The following TMEM132C variants were observed in gnomAD, a reference collection of about 807,000 sequenced individuals.
The protein encoded by TMEM132C is protein phosphatase 1, regulatory subunit 152.
In TMEM132C, 29 loss-of-function variants were observed where a neutral mutation model predicts 61.4. That is an observed-to-expected ratio of 0.47 (90% CI 0.35 to 0.64). TMEM132C has a LOEUF of 0.64. Among genes scored for constraint, TMEM132C ranks in the 30% least tolerant of loss-of-function variants. The probability of loss-of-function intolerance (pLI) is 0.00; values close to 1 mark genes in which losing one functional copy is unlikely to be tolerated. For missense variants in TMEM132C, 1,408 were observed against 1,476.9 expected (o/e 0.95, Z 0.76); for synonymous variants, 656 against 633.1 (o/e 1.04, Z -0.54).
At chr12:128,694,108 C>T in intron 6 of TMEM132C, 74 bp downstream of exon 6, 1 of 1,452,286 alleles carries the variant, frequency 6.9e-7, no homozygotes, top group Non-Finnish European at 9.4e-7. Context: ...CTAAAGGACC[C>T]AATGCTTAAG....
chr12:128,307,439 A>G (rs956385696), intron 1 of TMEM132C, among the ~76,000 whole-genome samples: 2 of 151,050 alleles, frequency 1.3e-5, no homozygotes, highest in East Asian at 3.8e-4. Context: ...AAAAAAAAAA[A>G]TAGGAAAAAA....
chr12:128,527,786 C>T (rs1873140718), intron 2 of TMEM132C, among the ~76,000 whole-genome samples: 1 of 151,926 alleles, frequency 6.6e-6, no homozygotes. Context: ...GGCATCAGGG[C>T]AATATTTTCA....
intron 1 of TMEM132C, among the ~76,000 whole-genome samples, chr12:128,334,599 CT>C (rs202233227): frequency 1.3e-3 from 187 of 143,258 alleles, no homozygotes; most frequent in Admixed American, 1.5e-3. Context: ...TTTCACTTTC[CT>C]TTTTTTTTTT....
At chr12:128,268,837 T>G (rs1213021933) in intron 1 of TMEM132C, among the ~76,000 whole-genome samples, 1 of 145,062 alleles carries the variant, frequency 6.9e-6, no homozygotes, top group Non-Finnish European at 1.5e-5. Flanking sequence ...TTTATATAAG[T>G]GTTCCTTTCT....
chr12:128,387,578 G>A (rs1045341734), intron 1 of TMEM132C, among the ~76,000 whole-genome samples: 3 of 152,204 alleles, frequency 2.0e-5, no homozygotes, highest in African/African-American at 7.2e-5. Flanking sequence ...TTGGGAGGCC[G>A]AGGCGGGTGG....
chr12:128,322,551 C>A (rs1420508056), intron 1 of TMEM132C, among the ~76,000 whole-genome samples: 1 of 152,172 alleles, frequency 6.6e-6, no homozygotes, highest in Non-Finnish European at 1.5e-5. Flanking sequence ...CAGCAAAAAA[C>A]AACATATGGC....
chr12:128,454,786 C>A (rs918547165), intron 2 of TMEM132C, among the ~76,000 whole-genome samples: 1 of 152,208 alleles, frequency 6.6e-6, no homozygotes, highest in African/African-American at 2.4e-5. Flanking sequence ...GGTTTGTGTG[C>A]AAACCGATAT....
At chr12:128,658,934 G>T (rs922252752) in intron 4 of TMEM132C, among the ~76,000 whole-genome samples, 11 of 152,212 alleles carry the variant, frequency 7.2e-5, no homozygotes, top group African/African-American at 2.7e-4. Flanking sequence ...TGTAACCACT[G>T]AAGAGGAGAA....
At chr12:128,355,913 C>T (rs1873488952) in intron 1 of TMEM132C, among the ~76,000 whole-genome samples, 1 of 152,146 alleles carries the variant, frequency 6.6e-6, no homozygotes, top group Non-Finnish European at 1.5e-5. Flanking sequence ...CTCTTTACCC[C>T]CTTCCTGCCT....
chr12:128,529,200 C>T (rs1356518624), intron 2 of TMEM132C, among the ~76,000 whole-genome samples: 1 of 151,854 alleles, frequency 6.6e-6, no homozygotes, highest in African/African-American at 2.4e-5. Flanking sequence ...AATAATTTTA[C>T]ATACAGGTGG....
At chr12:128,366,075 C>G (rs1873858980) in intron 1 of TMEM132C, among the ~76,000 whole-genome samples, 2 of 152,234 alleles carry the variant, frequency 1.3e-5, no homozygotes, top group South Asian at 4.1e-4. Flanking sequence ...TGTGAATGCA[C>G]TTCCCTTTGC....
chr12:128,530,482 T>C (rs964912165), intron 2 of TMEM132C, among the ~76,000 whole-genome samples: 20 of 152,046 alleles, frequency 1.3e-4, no homozygotes, highest in African/African-American at 3.6e-4. Flanking sequence ...CTCACTCTGT[T>C]GCCCAGGCTG....
intron 1 of TMEM132C, among the ~76,000 whole-genome samples, chr12:128,366,721 T>C (rs1873884135): frequency 6.6e-6 from 1 of 152,108 alleles, no homozygotes; most frequent in Admixed American, 6.6e-5. Flanking sequence ...TCTATGAAAT[T>C]TGGGGATGGC....
chr12:128,432,938 C>T (rs1166577119), intron 2 of TMEM132C, among the ~76,000 whole-genome samples: 4 of 151,988 alleles, frequency 2.6e-5, no homozygotes, highest in Non-Finnish European at 2.9e-5. Flanking sequence ...CCCCAGCCTT[C>T]AGCAACCACC....
chr12:128,393,424 A>G (rs1051010678), intron 1 of TMEM132C, among the ~76,000 whole-genome samples: 5 of 152,210 alleles, frequency 3.3e-5, no homozygotes, highest in Admixed American at 6.5e-5. Context: ...ATGACAGACA[A>G]CAGGCTTCAC....
At chr12:128,491,421 A>C (rs1466208744) in intron 2 of TMEM132C, among the ~76,000 whole-genome samples, 1 of 152,168 alleles carries the variant, frequency 6.6e-6, no homozygotes, top group Non-Finnish European at 1.5e-5. Flanking sequence ...CATCTCAGCA[A>C]TGTCAGTGGG....
At chr12:128,310,014 G>C (rs1249688794) in intron 1 of TMEM132C, among the ~76,000 whole-genome samples, 2 of 152,190 alleles carry the variant, frequency 1.3e-5, no homozygotes, top group African/African-American at 4.8e-5. Context: ...GGGATTACAG[G>C]TGTGAGCCAC....
intron 3 of TMEM132C, among the ~76,000 whole-genome samples, chr12:128,568,071 T>C (rs1874761506): frequency 6.6e-6 from 1 of 152,206 alleles, no homozygotes; most frequent in Admixed American, 6.5e-5. Flanking sequence ...TCCTCCACAG[T>C]GCCTCGGTGT....
intron 4 of TMEM132C, among the ~76,000 whole-genome samples, chr12:128,666,070 AAC>A (rs1954468293): frequency 9.7e-5 from 4 of 41,398 alleles, no homozygotes; most frequent in African/African-American, 5.5e-4. Context: ...CTCATACACA[AAC>A]ACACAGGCAC....
Sources: gnomAD v4.1 joint callset for allele counts (sites outside exome capture counted in the v4.1 genomes callset) on GRCh38, gnomAD v4.1.1 for gene constraint, MANE v1.5 for transcripts, NCBI Gene and HGNC (gene_info 2026-07-23, HGNC 2026-07-21) for gene names.